Variants in PTPRK observed in about 807,000 individuals in gnomAD.
PTPRK encodes receptor-type tyrosine-protein phosphatase kappa.
Under a neutral mutation model 178.0 loss-of-function variants are expected in PTPRK, and 75 were observed. The ratio of observed to expected loss-of-function variants is 0.42; its 90% CI spans 0.35 to 0.51. The LOEUF (loss-of-function observed/expected upper bound fraction) is 0.51. Among genes scored for constraint, PTPRK ranks in the 20% least tolerant of loss-of-function variants. The probability of loss-of-function intolerance (pLI) is 0.02; values close to 1 mark genes in which losing one functional copy is unlikely to be tolerated. For synonymous variants in PTPRK, 637 were observed against 620.6 expected, an observed-to-expected ratio of 1.03 and a Z score of -0.39; for missense variants, 1,441 against 1,797.8, an observed-to-expected ratio of 0.80 and a Z score of 3.59.
At chr6:128,214,288 G>A (rs982153385) in intron 6 of PTPRK, among the ~76,000 whole-genome samples, 6 of 152,050 alleles carry the variant, frequency 3.9e-5, no homozygotes, top group Admixed American at 1.3e-4. Context: ...AATAAGCTAC[G>A]ATCCTACTGA....
intron 3 of PTPRK, among the ~76,000 whole-genome samples, chr6:128,308,133 GA>G (rs143582922): frequency 0.082 from 12,205 of 149,466 alleles, 570 homozygotes; most frequent in African/African-American, 0.12. Flanking sequence ...TATTGACTGG[GA>G]AAAAAAAATC....
At chr6:128,420,680 GTCA>G (rs1843378925) in intron 1 of PTPRK, among the ~76,000 whole-genome samples, 1 of 152,218 alleles carries the variant, frequency 6.6e-6, no homozygotes, top group African/African-American at 2.4e-5. Flanking sequence ...GCCATTTACA[GTCA>G]GGAAGAACTT....
chr6:128,221,535 AAATAAT>A (rs909031536), intron 5 of PTPRK, among the ~76,000 whole-genome samples: 5 of 150,054 alleles, frequency 3.3e-5, no homozygotes, highest in Non-Finnish European at 4.4e-5. Flanking sequence ...AAAAAAAAAA[AAATAAT>A]AATAATAATA....
At chr6:128,219,161 T>C in intron 5 of PTPRK, 65 bp from the exon 6 acceptor site, 1 of 1,377,982 alleles carries the variant, frequency 7.3e-7, no homozygotes, top group South Asian at 1.3e-5. Context: ...TAAAGCATCT[T>C]AGCAAGCAAT....
Position 128,083,844 on chromosome 6 carries a change from TTTG to T in PTPRK, c.1466-23_1466-21del. 1 of 1,436,590 alleles carries T rather than the reference TTTG, an allele frequency of 7.0e-7. No individual in the cohort carries two copies. The highest frequency in any genetic ancestry group is 9.5e-7 in the Non-Finnish European group (1 of 1,055,528). The allele number at this position is 1,436,590 out of a possible 1,614,324, so 89.0% of individuals were successfully genotyped here. A position where few individuals can be genotyped will look rare whatever the true frequency, so the allele number is the denominator to read the frequency against. On this transcript the variant is annotated intron_variant, in intron 8 of 29. Transcript: ENST00000368226. ...CAGGCACTACAAAACACATGAATTTTTTGTTATGAAAATGCTTACATTAGAAAC... is the reference window on the plus strand; with the variant it reads ...CAGGCACTACAAAACACATGAATTTTTTATGAAAATGCTTACATTAGAAAC...
chr6:128,082,597 T>C lies in PTPRK; in HGVS notation c.1617A>G (p.Pro539=). The C allele has an allele frequency of 1.2e-6, 2 of 1,612,516 alleles. No homozygotes were observed. Among genetic ancestry groups the C allele is most frequent in the South Asian group, 1.1e-5 (1 of 91,048 alleles). The change falls in exon 10 of 30, where the codon CCA becomes CCG. Residue 539 remains proline, a synonymous_variant. Coordinates refer to ENST00000368226, the MANE Select transcript of PTPRK (RefSeq NM_002844.4). ...SSIRSFDPAV[P]VAGPPQTVSN... is the part of the protein sequence containing the mutation. ...ATACAGTCTGGGGAGGTCCAGCCAC[T>C]GGAACTGCAGGATCAAATGATCTTA...
At chr6:128,007,583 TAGG>T (rs1244254162) in intron 14 of PTPRK, among the ~76,000 whole-genome samples, 1 of 150,958 alleles carries the variant, frequency 6.6e-6, no homozygotes, top group Non-Finnish European at 1.5e-5. Context: ...TAGCATACTT[TAGG>T]AGGTTAATTT....
intron 7 of PTPRK, among the ~76,000 whole-genome samples, chr6:128,091,879 T>C (rs1787023182): frequency 6.6e-6 from 1 of 152,196 alleles, no homozygotes; most frequent in Admixed American, 6.5e-5. Context: ...TTTGAAAGCA[T>C]ACCTAGACAT....
chr6:128,402,520 G>A (rs1310714347), intron 1 of PTPRK, among the ~76,000 whole-genome samples: 1 of 152,158 alleles, frequency 6.6e-6, no homozygotes, highest in Non-Finnish European at 1.5e-5. Flanking sequence ...CCAGTGTGCT[G>A]GGATTACAGG....
chr6:128,491,459 A>G (rs1853760875), intron 1 of PTPRK, among the ~76,000 whole-genome samples: 1 of 152,226 alleles, frequency 6.6e-6, no homozygotes, highest in African/African-American at 2.4e-5. Context: ...TCTCAGGATT[A>G]TGTGCTGATA....
chr6:128,016,387 T>C (rs746041776), intron 13 of PTPRK, among the ~76,000 whole-genome samples: 1 of 151,980 alleles, frequency 6.6e-6, no homozygotes, highest in Non-Finnish European at 1.5e-5. Flanking sequence ...CTTCTATGTG[T>C]CCCTTATCTT....
At chr6:128,071,427 T>C (rs1375737110) in intron 11 of PTPRK, among the ~76,000 whole-genome samples, 1 of 152,028 alleles carries the variant, frequency 6.6e-6, no homozygotes, top group African/African-American at 2.4e-5. Context: ...TACTTTTCTA[T>C]AACATCACCC....
intron 7 of PTPRK, among the ~76,000 whole-genome samples, chr6:128,093,866 A>ATGT (rs1473539672): frequency 6.6e-6 from 1 of 152,028 alleles, no homozygotes; most frequent in Admixed American, 6.5e-5. Flanking sequence ...TTTATCAAAG[A>ATGT]TGTTAAGCTA....
At position 128,463,668 on chromosome 6, in the gene PTPRK, G is replaced by A. The variant is rs75107741; in HGVS notation, c.100+56591C>T. Among the ~76,000 whole-genome samples the A allele has an allele frequency of 9.3e-3, 1,385 of 149,082 alleles. 23 individuals are homozygous for A. Among genetic ancestry groups the A allele is most frequent in the African/African-American group, 0.032 (1,306 of 40,476 alleles). ...TATAGCTATTAGGAAGTGAGAAATT[G>A]AAGTATTTTATTCAAATTTTATTTA... On this transcript the variant is annotated intron_variant, in intron 1 of 29. Coordinates refer to ENST00000368226, the MANE Select transcript of PTPRK (RefSeq NM_002844.4).
intron 3 of PTPRK, among the ~76,000 whole-genome samples, chr6:128,310,391 A>C (rs1366594036): frequency 6.6e-6 from 1 of 152,184 alleles, no homozygotes; most frequent in African/African-American, 2.4e-5. Flanking sequence ...GATAACTAAG[A>C]AGCACAGGAT....
intron 8 of PTPRK, among the ~76,000 whole-genome samples, chr6:128,084,694 G>A (rs146763470): frequency 5.5e-4 from 84 of 152,118 alleles, no homozygotes; most frequent in Middle Eastern, 6.8e-3. Context: ...AAATTCTTTC[G>A]CTATCGTGTA....
chr6:128,214,914 G>C (rs1293432725), intron 6 of PTPRK, among the ~76,000 whole-genome samples: 1 of 152,094 alleles, frequency 6.6e-6, no homozygotes, highest in Non-Finnish European at 1.5e-5. Flanking sequence ...AGTAAGGTTA[G>C]GTAAAGTGAT....
At chr6:128,189,229 CTTTT>C (rs1803303433) in intron 6 of PTPRK, among the ~76,000 whole-genome samples, 1 of 124,716 alleles carries the variant, frequency 8.0e-6, no homozygotes, top group African/African-American at 3.0e-5. Context: ...ATATTTTACT[CTTTT>C]TCTTTTTTTT....
intron 3 of PTPRK, among the ~76,000 whole-genome samples, chr6:128,260,358 A>G (rs1817998584): frequency 6.6e-6 from 1 of 152,194 alleles, no homozygotes; most frequent in South Asian, 2.1e-4. Flanking sequence ...TAAGGAGACC[A>G]CTGCAGTTGT....
Sources: gnomAD v4.1 joint callset for allele counts (sites outside exome capture counted in the v4.1 genomes callset) on GRCh38, gnomAD v4.1.1 for gene constraint, MANE v1.5 for transcripts, NCBI Gene and HGNC (gene_info 2026-07-23, HGNC 2026-07-21) for gene names.